CLVS1: variants seen among roughly 807,000 people sequenced by gnomAD.
The protein encoded by CLVS1 is clavesin-1.
CLVS1 carries 10 observed loss-of-function variants against 33.1 expected under a neutral mutation model. The observed-to-expected ratio is 0.30, with a 90% CI of 0.19 to 0.51. The LOEUF (loss-of-function observed/expected upper bound fraction) is 0.51. Among genes scored for constraint, CLVS1 ranks in the 20% least tolerant of loss-of-function variants. CLVS1 has a pLI of 0.97. For missense variants in CLVS1, 343 were observed against 433.4 expected, an observed-to-expected ratio of 0.79 and a Z score of 1.85; for synonymous variants, 163 against 166.1, an observed-to-expected ratio of 0.98 and a Z score of 0.14.
At chr8:61,450,061 AC>A (rs1176712909) in intron 3 of CLVS1, among the ~76,000 whole-genome samples, 4 of 152,154 alleles carry the variant, frequency 2.6e-5, no homozygotes, top group Non-Finnish European at 5.9e-5. Flanking sequence ...TCAAGAGGAC[AC>A]CTTTTTGCTA....
intron 2 of CLVS1, among the ~76,000 whole-genome samples, chr8:61,162,048 CAAGAGCTGTTTGA>C (rs1806762753): frequency 6.6e-6 from 1 of 151,834 alleles, no homozygotes; most frequent in Non-Finnish European, 1.5e-5. Context: ...TGGATAATAG[CAAGAGCTGTTTGA>C]AAGATCACTC....
chr8:61,242,487 T>C (rs1217639117), intron 2 of CLVS1, among the ~76,000 whole-genome samples: 1 of 152,188 alleles, frequency 6.6e-6, no homozygotes, highest in Non-Finnish European at 1.5e-5. Context: ...AGAATTTCCA[T>C]GTTTAAAATA....
the CLVS1 span, among the ~76,000 whole-genome samples, chr8:60,980,360 G>A: frequency 5.9e-5 from 9 of 152,264 alleles, no homozygotes; most frequent in African/African-American, 2.2e-4. Flanking sequence ...AGCATTTTAT[G>A]TCTCTATGTC....
At chr8:61,191,222 T>C (rs983705222) in intron 2 of CLVS1, among the ~76,000 whole-genome samples, 3 of 152,190 alleles carry the variant, frequency 2.0e-5, no homozygotes, top group Non-Finnish European at 2.9e-5. Context: ...TGGTTCAACA[T>C]ATGCAAATCA....
chr8:61,072,552 A>T (rs188145426), intron 1 of CLVS1, among the ~76,000 whole-genome samples: 13 of 152,378 alleles, frequency 8.5e-5, no homozygotes, highest in African/African-American at 3.1e-4. Flanking sequence ...AAAAGCAACG[A>T]AAGATGCATT....
At chr8:61,096,417 A>G (rs1425110304) in intron 1 of CLVS1, among the ~76,000 whole-genome samples, 2 of 152,222 alleles carry the variant, frequency 1.3e-5, no homozygotes, top group East Asian at 3.8e-4. Flanking sequence ...AAATCAGGAT[A>G]TGTATTTGTT....
In CLVS1 at chr8:61,499,117, A is replaced by T. The variant is rs148360637; in HGVS notation, c.978-338A>T. The stretch of plus-strand genomic sequence containing the variant: ...AAAAATGTGGTTTAGCAAGCAAAAG[A>T]AGTAAGAAAAACAGAGATACGAAAG... On this transcript the variant is annotated intron_variant, in intron 5 of 5. Transcript: ENST00000325897. Among the ~76,000 whole-genome samples, 1,211 of 152,338 alleles carry T rather than the reference A, an allele frequency of 7.9e-3. 15 individuals are homozygous for T. Among genetic ancestry groups the T allele is most frequent in the African/African-American group, 0.028 (1,148 of 41,568 alleles).
At chr8:61,376,168 T>A (rs1940356291) in intron 2 of CLVS1, among the ~76,000 whole-genome samples, 1 of 152,224 alleles carries the variant, frequency 6.6e-6, no homozygotes, top group African/African-American at 2.4e-5. Context: ...AATAAACACC[T>A]CTGATTGAGG....
chr8:61,368,927 T>A (rs1813320524), intron 2 of CLVS1, among the ~76,000 whole-genome samples: 1 of 152,240 alleles, frequency 6.6e-6, no homozygotes, highest in Admixed American at 6.5e-5. Flanking sequence ...TGAAATAAGA[T>A]AAAATTCAAA....
chr8:60,972,317 T>A, the CLVS1 span, among the ~76,000 whole-genome samples: 12 of 152,202 alleles, frequency 7.9e-5, no homozygotes, highest in Non-Finnish European at 1.6e-4. Flanking sequence ...AAAGTACCCA[T>A]GGTCATTCCT....
chr8:61,366,149 T>C (rs1158239009), intron 2 of CLVS1, among the ~76,000 whole-genome samples: 2 of 152,232 alleles, frequency 1.3e-5, no homozygotes, highest in Non-Finnish European at 1.5e-5. Flanking sequence ...TAATTTCTTC[T>C]GCTTTCTTCT....
chr8:61,439,588 T>C (rs1029730654), intron 3 of CLVS1, among the ~76,000 whole-genome samples: 1 of 152,210 alleles, frequency 6.6e-6, no homozygotes, highest in Non-Finnish European at 1.5e-5. Context: ...ACTTGAGCTC[T>C]ATTAAGCAGA....
chr8:61,216,075 C>T (rs1296749484), intron 2 of CLVS1, among the ~76,000 whole-genome samples: 1 of 152,136 alleles, frequency 6.6e-6, no homozygotes, highest in Non-Finnish European at 1.5e-5. Context: ...TTCACTTTCT[C>T]CTCTCCTAGA....
intron 2 of CLVS1, among the ~76,000 whole-genome samples, chr8:61,233,724 A>G (rs918502523): frequency 6.6e-6 from 1 of 152,178 alleles, no homozygotes; most frequent in Non-Finnish European, 1.5e-5. Context: ...TGGCTGGGAA[A>G]AGGGCCTGTG....
chr8:61,272,408 T>C (rs1439975827), intron 2 of CLVS1, among the ~76,000 whole-genome samples: 3 of 151,990 alleles, frequency 2.0e-5, no homozygotes, highest in Non-Finnish European at 4.4e-5. Context: ...CCGACCTTTC[T>C]CTCTGGCTGC....
chr8:61,245,535 C>T (rs1012176258), intron 2 of CLVS1, among the ~76,000 whole-genome samples: 3 of 151,886 alleles, frequency 2.0e-5, no homozygotes, highest in Non-Finnish European at 4.4e-5. Flanking sequence ...AACATTAAAT[C>T]TGACATCTTT....
the CLVS1 span, among the ~76,000 whole-genome samples, chr8:60,982,109 C>T: frequency 3.9e-5 from 6 of 152,140 alleles, no homozygotes; most frequent in Non-Finnish European, 5.9e-5. Flanking sequence ...ATTCATGCCA[C>T]GAATGAGAGC....
chr8:61,450,937 C>T (rs1279312701), intron 3 of CLVS1, among the ~76,000 whole-genome samples: 1 of 152,162 alleles, frequency 6.6e-6, no homozygotes, highest in Non-Finnish European at 1.5e-5. Flanking sequence ...GCAGATGAAG[C>T]ATGTCACTTT....
chr8:61,246,230 T>A (rs1395304311), intron 2 of CLVS1, among the ~76,000 whole-genome samples: 4 of 126,914 alleles, frequency 3.2e-5, no homozygotes, highest in African/African-American at 5.9e-5. Context: ...CAGGCTGGAG[T>A]GTGATCTCGG....
Sources: gnomAD v4.1 joint callset for allele counts (sites outside exome capture counted in the v4.1 genomes callset) on GRCh38, gnomAD v4.1.1 for gene constraint, MANE v1.5 for transcripts, NCBI Gene and HGNC (gene_info 2026-07-23, HGNC 2026-07-21) for gene names.